CTNND2: variants seen among roughly 807,000 people sequenced by gnomAD.
CTNND2 encodes the protein catenin delta-2.
Under a neutral mutation model 144.4 loss-of-function variants are expected in CTNND2, and 22 were observed. The observed-to-expected ratio is 0.15, with a 90% CI of 0.11 to 0.22. The LOEUF is 0.22. Among genes scored for constraint, CTNND2 ranks in the 10% least tolerant of loss-of-function variants. CTNND2 has a pLI of 1.00. For missense variants in CTNND2, 1,353 were observed against 1,618.8 expected (o/e 0.84, Z 2.82); for synonymous variants, 751 against 695.6 (o/e 1.08, Z -1.25).
chr5:11,481,259 T>C (rs1289601682), intron 3 of CTNND2, among the ~76,000 whole-genome samples: 1 of 152,192 alleles, frequency 6.6e-6, no homozygotes, highest in Non-Finnish European at 1.5e-5. Flanking sequence ...GAATTTTGAT[T>C]TTTATAAATA....
intron 1 of CTNND2, among the ~76,000 whole-genome samples, chr5:11,842,720 GAAC>G (rs1561850549): frequency 7.9e-6 from 1 of 127,174 alleles, no homozygotes; most frequent in Non-Finnish European, 1.7e-5. Context: ...CTCGGTCTCA[GAAC>G]AAAAAAAAAA....
chr5:11,865,769 G>T (rs1377229337), intron 1 of CTNND2, among the ~76,000 whole-genome samples: 1 of 152,020 alleles, frequency 6.6e-6, no homozygotes, highest in Non-Finnish European at 1.5e-5. Flanking sequence ...GTCTTGAGAA[G>T]TGGACAAAGG....
At chr5:11,880,212 C>G (rs186291960) in intron 1 of CTNND2, among the ~76,000 whole-genome samples, 21 of 152,132 alleles carry the variant, frequency 1.4e-4, no homozygotes, top group African/African-American at 5.1e-4. Flanking sequence ...AAGAGGGGCC[C>G]AGAAATTTAT....
intron 20 of CTNND2, among the ~76,000 whole-genome samples, chr5:10,987,361 G>A (rs1020418037): frequency 6.6e-6 from 1 of 152,136 alleles, no homozygotes; most frequent in Non-Finnish European, 1.5e-5. Flanking sequence ...GCTGGGCATG[G>A]CACAGTGGAG....
chr5:11,068,697 C>T (rs922027639), intron 16 of CTNND2, among the ~76,000 whole-genome samples: 5 of 152,154 alleles, frequency 3.3e-5, no homozygotes, highest in Admixed American at 6.5e-5. Context: ...GGGCGGATCA[C>T]GAGGTCAGGA....
At chr5:11,004,516 C>T (rs1047285159) in intron 18 of CTNND2, among the ~76,000 whole-genome samples, 1 of 152,168 alleles carries the variant, frequency 6.6e-6, no homozygotes, top group Admixed American at 6.5e-5. Context: ...GGAATCCCAG[C>T]ACTTTGAGAG....
At chr5:10,987,552 G>T (rs1372407731) in intron 20 of CTNND2, among the ~76,000 whole-genome samples, 1 of 152,172 alleles carries the variant, frequency 6.6e-6, no homozygotes, top group Non-Finnish European at 1.5e-5. Context: ...TGTCACGTAA[G>T]AGGTTGTATC....
intron 18 of CTNND2, among the ~76,000 whole-genome samples, chr5:11,016,580 G>T (rs1243580769): frequency 6.6e-6 from 1 of 152,172 alleles, no homozygotes; most frequent in East Asian, 1.9e-4. Context: ...CTATAGATGG[G>T]GATGGAGGCA....
At chr5:11,841,739 T>C (rs1225213255) in intron 1 of CTNND2, among the ~76,000 whole-genome samples, 3 of 151,930 alleles carry the variant, frequency 2.0e-5, no homozygotes, top group Non-Finnish European at 4.4e-5. Flanking sequence ...ATCTGTAAAA[T>C]GAGGAACTGG....
chr5:11,268,329 T>A (rs1349085103), intron 9 of CTNND2, among the ~76,000 whole-genome samples: 1 of 152,168 alleles, frequency 6.6e-6, no homozygotes. Context: ...ATGCCTGCAA[T>A]CCCAGCACTT....
intron 1 of CTNND2, among the ~76,000 whole-genome samples, chr5:11,737,285 G>A (rs1296700802): frequency 1.3e-5 from 2 of 152,126 alleles, no homozygotes; most frequent in Non-Finnish European, 2.9e-5. Flanking sequence ...GCACCCCTTT[G>A]ACTTTGTTTT....
At chr5:11,460,000 A>C (rs920508785) in intron 3 of CTNND2, among the ~76,000 whole-genome samples, 5 of 152,212 alleles carry the variant, frequency 3.3e-5, no homozygotes, top group African/African-American at 1.2e-4. Context: ...ATTTTGATGA[A>C]GCTGAACCTT....
intron 16 of CTNND2, among the ~76,000 whole-genome samples, chr5:11,039,937 C>G (rs1329839008): frequency 2.0e-5 from 3 of 152,110 alleles, no homozygotes; most frequent in African/African-American, 4.8e-5. Flanking sequence ...TGACACGTGC[C>G]TGTAGTCCCA....
chr5:11,854,835 C>T (rs994254899), intron 1 of CTNND2, among the ~76,000 whole-genome samples: 4 of 152,120 alleles, frequency 2.6e-5, no homozygotes, highest in African/African-American at 7.2e-5. Context: ...ATCAGGATAA[C>T]GTTTCACAGT....
At chr5:11,858,405 T>C (rs1795345882) in intron 1 of CTNND2, among the ~76,000 whole-genome samples, 1 of 152,138 alleles carries the variant, frequency 6.6e-6, no homozygotes, top group Admixed American at 6.6e-5. Flanking sequence ...CTTGGAAGTG[T>C]TCATAAGGTA....
At chr5:11,771,254 C>T (rs1789918161) in intron 1 of CTNND2, among the ~76,000 whole-genome samples, 1 of 126,734 alleles carries the variant, frequency 7.9e-6, no homozygotes, top group South Asian at 2.5e-4. Flanking sequence ...TGCAGTGGCA[C>T]GATGTCAGCT....
At chr5:11,840,883 T>C (rs1342892973) in intron 1 of CTNND2, among the ~76,000 whole-genome samples, 4 of 152,196 alleles carry the variant, frequency 2.6e-5, no homozygotes, top group African/African-American at 7.2e-5. Flanking sequence ...AACGGGCATA[T>C]CTACCCTATC....
chr5:11,208,810 C>T (rs1485675146), intron 10 of CTNND2, among the ~76,000 whole-genome samples: 4 of 152,022 alleles, frequency 2.6e-5, no homozygotes, highest in South Asian at 2.1e-4. Context: ...AACTTAAAGT[C>T]GGGTGGAAAG....
At chr5:11,528,547 T>A (rs1773468844) in intron 3 of CTNND2, among the ~76,000 whole-genome samples, 1 of 152,166 alleles carries the variant, frequency 6.6e-6, no homozygotes, top group Non-Finnish European at 1.5e-5. Flanking sequence ...GGAAACAACA[T>A]CCCTTGGAAA....
Sources: allele counts gnomAD v4.1 joint callset (sites outside exome capture counted in the v4.1 genomes callset), GRCh38; gene constraint gnomAD v4.1.1; transcripts MANE v1.5; gene names NCBI Gene and HGNC (gene_info 2026-07-23, HGNC 2026-07-21).